The following PLEKHA8 variants were observed in gnomAD, a reference collection of about 807,000 sequenced individuals.
PLEKHA8 encodes pleckstrin homology domain containing A8, also known as pleckstrin homology domain-containing family A member 8.
A neutral mutation model predicts 68.2 loss-of-function variants in PLEKHA8; 36 were observed. The observed-to-expected ratio is 0.53, with a 90% CI of 0.40 to 0.70. PLEKHA8 has a LOEUF of 0.70. Among genes scored for constraint, PLEKHA8 ranks in the 30% least tolerant of loss-of-function variants. The probability of loss-of-function intolerance (pLI) is 0.00; values close to 1 mark genes in which losing one functional copy is unlikely to be tolerated. For missense variants in PLEKHA8, 505 were observed against 615.4 expected, an observed-to-expected ratio of 0.82 and a Z score of 1.90; for synonymous variants, 211 against 216.1, an observed-to-expected ratio of 0.98 and a Z score of 0.20.
At chr7:30,088,656 TA>T (rs569479388), downstream of PLEKHA8, among the ~76,000 whole-genome samples, 20 of 152,024 alleles carry the variant, frequency 1.3e-4, no homozygotes, top group African/African-American at 4.3e-4. Flanking sequence ...AAAACTCAGT[TA>T]AAAAAAATTC....
intron 12 of PLEKHA8, among the ~76,000 whole-genome samples, chr7:30,068,714 G>A (rs534634609): frequency 6.6e-6 from 1 of 152,130 alleles, no homozygotes; most frequent in South Asian, 2.1e-4. Context: ...GTGTCTTTTG[G>A]TATACAGAAG....
chr7:30,059,422 C>G (rs1389932034), intron 9 of PLEKHA8, among the ~76,000 whole-genome samples: 3 of 151,860 alleles, frequency 2.0e-5, no homozygotes, highest in African/African-American at 7.3e-5. Flanking sequence ...TCATTTTTTT[C>G]CTGTAATTTG....
intron 10 of PLEKHA8, among the ~76,000 whole-genome samples, chr7:30,061,309 G>T (rs981825072): frequency 6.6e-6 from 1 of 152,184 alleles, no homozygotes; most frequent in African/African-American, 2.4e-5. Context: ...AGTGAAAATA[G>T]CTGTCAGTGG....
chr7:30,085,632 A>G (rs1795152608), downstream of PLEKHA8, among the ~76,000 whole-genome samples: 1 of 152,094 alleles, frequency 6.6e-6, no homozygotes, highest in African/African-American at 2.4e-5. Flanking sequence ...CTGTCCACCC[A>G]CGTCTCAGGG....
chr7:30,030,633 C>G (rs1418201330), intron 1 of PLEKHA8, among the ~76,000 whole-genome samples: 1 of 152,192 alleles, frequency 6.6e-6, no homozygotes, highest in East Asian at 1.9e-4. Flanking sequence ...TTCCCTTAGC[C>G]CACGTGCCCC....
At chr7:30,031,587 TC>T (rs775731737) in intron 1 of PLEKHA8, among the ~76,000 whole-genome samples, 2 of 152,170 alleles carry the variant, frequency 1.3e-5, no homozygotes, top group Non-Finnish European at 2.9e-5. Flanking sequence ...TTTCAGGGCC[TC>T]ATAGGCTGGT....
intron 1 of PLEKHA8, among the ~76,000 whole-genome samples, chr7:30,037,739 C>T (rs1791208041): frequency 6.6e-6 from 1 of 151,524 alleles, no homozygotes; most frequent in Non-Finnish European, 1.5e-5. Context: ...TAAATAGTCC[C>T]TTTTCATTTT....
At chr7:30,059,385 A>C (rs1022373721) in intron 9 of PLEKHA8, among the ~76,000 whole-genome samples, 2 of 152,218 alleles carry the variant, frequency 1.3e-5, no homozygotes, top group Non-Finnish European at 2.9e-5. Flanking sequence ...TTAACTTCAT[A>C]AAATGCTTTT....
At chr7:30,059,520 T>C (rs1007302685) in intron 9 of PLEKHA8, among the ~76,000 whole-genome samples, 2 of 152,152 alleles carry the variant, frequency 1.3e-5, no homozygotes, top group Non-Finnish European at 2.9e-5. Flanking sequence ...TTTCTGCTTT[T>C]CTCTGTATGT....
intron 7 of PLEKHA8, among the ~76,000 whole-genome samples, chr7:30,053,088 A>G (rs955054579): frequency 6.6e-5 from 10 of 152,216 alleles, no homozygotes; most frequent in Non-Finnish European, 1.3e-4. Flanking sequence ...ATTCCTGCTC[A>G]GTGTTCTTGG....
At chr7:30,054,631 T>C (rs963568069) in intron 7 of PLEKHA8, 78 bp from the exon 8 acceptor site, 5 of 996,654 alleles carry the variant, frequency 5.0e-6, no homozygotes, top group Non-Finnish European at 5.3e-6. Context: ...TTCTGTGTTT[T>C]AGAAATTTTC....
At chr7:30,102,712 C>G (rs1325443178) in intron 13 of PLEKHA8, among the ~76,000 whole-genome samples, 1 of 152,206 alleles carries the variant, frequency 6.6e-6, no homozygotes, top group Non-Finnish European at 1.5e-5. Context: ...TATGAAATAT[C>G]TAGAATAGGC....
chr7:30,047,295 A>G (rs1006863103), intron 3 of PLEKHA8, among the ~76,000 whole-genome samples: 2 of 152,146 alleles, frequency 1.3e-5, no homozygotes, highest in Non-Finnish European at 2.9e-5. Flanking sequence ...ACTGGAGAGC[A>G]TTGCTAATAA....
chr7:30,035,810 A>T (rs760818653), intron 1 of PLEKHA8, among the ~76,000 whole-genome samples: 5 of 150,210 alleles, frequency 3.3e-5, no homozygotes, highest in Non-Finnish European at 7.4e-5. Context: ...AGCCCGGCTG[A>T]TTTTTTTTTG....
chr7:30,115,679 CACAT>C (rs201714321), intron 13 of PLEKHA8, among the ~76,000 whole-genome samples: 2,406 of 150,086 alleles, frequency 0.016, 37 homozygotes, highest in East Asian at 0.036. Flanking sequence ...TATACATACG[CACAT>C]ACATGCATAC....
At chr7:30,094,587 T>C (rs1795534558), downstream of PLEKHA8, among the ~76,000 whole-genome samples, 1 of 152,064 alleles carries the variant, frequency 6.6e-6, no homozygotes, top group South Asian at 2.1e-4. Flanking sequence ...TATGTATACA[T>C]GTGCCATGTT....
chr7:30,108,596 G>T (rs975516110), intron 13 of PLEKHA8, among the ~76,000 whole-genome samples: 1 of 152,058 alleles, frequency 6.6e-6, no homozygotes, highest in Non-Finnish European at 1.5e-5. Context: ...GAGTAGTTCT[G>T]TTAGGTTGTA....
chr7:30,079,468 G>C lies in PLEKHA8; in HGVS notation c.*681G>C. 1.0e-6 allele frequency: 1 copy of C among 985,360 alleles called. No individual in the cohort carries two copies. Among genetic ancestry groups the C allele is most frequent in the Non-Finnish European group, 1.2e-6 (1 of 829,900 alleles). The allele number at this position is 985,360 out of a possible 1,614,324, so 61.0% of individuals were successfully genotyped here. On this transcript the variant is annotated 3_prime_UTR_variant, in exon 14 of 14. Coordinates refer to ENST00000449726, the MANE Select transcript of PLEKHA8 (RefSeq NM_001197026.2). ...CCAAGTTGGAGGGGAGAATATGAGA[G>C]AGGTGGGACAGGTCATTTGAGATGA... is the stretch of plus-strand genomic sequence containing the variant.
At chr7:30,053,224 C>T (rs896767700) in intron 7 of PLEKHA8, among the ~76,000 whole-genome samples, 5 of 152,158 alleles carry the variant, frequency 3.3e-5, no homozygotes, top group Non-Finnish European at 5.9e-5. Flanking sequence ...TTCATCCTCC[C>T]GGTTTCTGTT....
Sources: gnomAD v4.1 joint callset for allele counts (sites outside exome capture counted in the v4.1 genomes callset) on GRCh38, gnomAD v4.1.1 for gene constraint, MANE v1.5 for transcripts, NCBI Gene and HGNC (gene_info 2026-07-23, HGNC 2026-07-21) for gene names.